The following DLGAP2 variants were observed in gnomAD, a reference collection of about 807,000 sequenced individuals.
DLGAP2 encodes the protein DLG associated protein 2.
In DLGAP2, 26 loss-of-function variants were observed where a neutral mutation model predicts 100.3. That is an observed-to-expected ratio of 0.26 (90% CI 0.19 to 0.36). DLGAP2 has a LOEUF of 0.36. Ranked by LOEUF, DLGAP2 falls within the 10% of genes least tolerant of loss-of-function variation. The probability of loss-of-function intolerance (pLI) is 1.00; values close to 1 mark genes in which losing one functional copy is unlikely to be tolerated. For missense variants in DLGAP2, 1,858 were observed against 1,453.2 expected (o/e 1.28, Z -4.53); for synonymous variants, 886 against 630.1 (o/e 1.41, Z -6.08).
chr8:904,175 A>G (rs2128998050), intron 1 of DLGAP2, among the ~76,000 whole-genome samples: 1 of 152,366 alleles, frequency 6.6e-6, no homozygotes, highest in Admixed American at 6.5e-5. Context: ...GTGTGTGGAC[A>G]GTGTGACCGG....
chr8:1,390,631 G>A (rs1796328459), intron 3 of DLGAP2, among the ~76,000 whole-genome samples: 1 of 152,078 alleles, frequency 6.6e-6, no homozygotes, highest in Non-Finnish European at 1.5e-5. Context: ...CCCTTTAACT[G>A]CAGTCCCGTC....
intron 4 of DLGAP2, among the ~76,000 whole-genome samples, chr8:1,515,424 AC>A (rs1214499689): frequency 6.8e-6 from 1 of 147,328 alleles, no homozygotes; most frequent in Non-Finnish European, 1.5e-5. Context: ...GCACACACAC[AC>A]GCAGACACAT....
chr8:805,760 C>G (rs555815123), intron 1 of DLGAP2, among the ~76,000 whole-genome samples: 9 of 152,264 alleles, frequency 5.9e-5, no homozygotes, highest in Non-Finnish European at 7.4e-5. Context: ...CCAAGCAGTC[C>G]GCCGGCCTTG....
At chr8:1,601,892 C>A (rs578144503) in intron 6 of DLGAP2, among the ~76,000 whole-genome samples, 96 of 151,744 alleles carry the variant, frequency 6.3e-4, no homozygotes, top group African/African-American at 2.2e-3. Flanking sequence ...TTTCACCAGG[C>A]AATCTGAGGT....
chr8:1,095,948 T>A (rs1804352514), intron 2 of DLGAP2, among the ~76,000 whole-genome samples: 1 of 152,214 alleles, frequency 6.6e-6, no homozygotes, highest in Non-Finnish European at 1.5e-5. Flanking sequence ...CAAAACTATC[T>A]AACAATTTTA....
chr8:1,364,961 G>A (rs996828080), intron 3 of DLGAP2, among the ~76,000 whole-genome samples: 1 of 152,196 alleles, frequency 6.6e-6, no homozygotes, highest in African/African-American at 2.4e-5. Context: ...TGGGCACAGG[G>A]CCCCACTCCC....
rs574366787 is a variant in DLGAP2 at position 946,505 on chromosome 8, T to C, written c.73+38539T>C. ...GTCTCGATCTCCTGACCTTGTGATCTGCCCGCCTTGGCCTCCCAAAGTGCT... is the reference window on the plus strand; with the variant it reads ...GTCTCGATCTCCTGACCTTGTGATCCGCCCGCCTTGGCCTCCCAAAGTGCT... On this transcript the variant is annotated intron_variant, in intron 2 of 14. Transcript: ENST00000637795. 1.3e-3 allele frequency among the ~76,000 whole-genome samples: 193 copies of C among 152,180 alleles called. 1 individual carries two copies. Among genetic ancestry groups the C allele is most frequent in the South Asian group, 3.3e-3 (16 of 4,812 alleles).
chr8:1,044,043 C>G (rs190128306), intron 2 of DLGAP2, among the ~76,000 whole-genome samples: 1 of 152,256 alleles, frequency 6.6e-6, no homozygotes, highest in African/African-American at 2.4e-5. Context: ...ACAGCAGTGA[C>G]TGCCCTGCCA....
intron 1 of DLGAP2, among the ~76,000 whole-genome samples, chr8:815,132 C>T (rs1198630406): frequency 6.6e-6 from 1 of 152,156 alleles, no homozygotes; most frequent in Admixed American, 6.5e-5. Context: ...CAACCAAATG[C>T]TTGAGACTGG....
chr8:1,117,269 C>T (rs763601357), intron 2 of DLGAP2, among the ~76,000 whole-genome samples: 19 of 152,228 alleles, frequency 1.2e-4, no homozygotes, highest in Non-Finnish European at 2.1e-4. Context: ...AGGCTGATGG[C>T]ACAACCCTGG....
At chr8:1,557,807 A>T (rs142390353) in intron 5 of DLGAP2, among the ~76,000 whole-genome samples, 137 of 152,272 alleles carry the variant, frequency 9.0e-4, no homozygotes, top group African/African-American at 2.6e-3. Flanking sequence ...TCTTAGGAGG[A>T]TACCAGGCAG....
intron 4 of DLGAP2, among the ~76,000 whole-genome samples, chr8:1,530,919 G>T (rs947668336): frequency 6.6e-6 from 1 of 152,172 alleles, no homozygotes; most frequent in East Asian, 1.9e-4. Flanking sequence ...GTGTGATCTG[G>T]TCTATCAGGA....
At chr8:976,926 A>C (rs1584940466) in intron 2 of DLGAP2, among the ~76,000 whole-genome samples, 1 of 152,242 alleles carries the variant, frequency 6.6e-6, no homozygotes, top group Admixed American at 6.5e-5. Context: ...TGAAAGAAAT[A>C]ATTGATAAGT....
chr8:871,766 T>A (rs1341781532), intron 1 of DLGAP2, among the ~76,000 whole-genome samples: 1 of 152,200 alleles, frequency 6.6e-6, no homozygotes, highest in Non-Finnish European at 1.5e-5. Flanking sequence ...ACACTCAGCC[T>A]GAGCTGGATT....
intron 3 of DLGAP2, among the ~76,000 whole-genome samples, chr8:1,448,778 C>T (rs1186964534): frequency 6.6e-6 from 1 of 152,188 alleles, no homozygotes; most frequent in Non-Finnish European, 1.5e-5. Context: ...GTTCCCCTCA[C>T]TGCGTGCAAA....
intron 3 of DLGAP2, among the ~76,000 whole-genome samples, chr8:1,382,101 G>T (rs1040041346): frequency 7.2e-5 from 11 of 152,172 alleles, no homozygotes; most frequent in Non-Finnish European, 1.3e-4. Flanking sequence ...AGACTTTACT[G>T]CTGATAGCCT....
At chr8:1,005,794 C>T (rs1431796180) in intron 2 of DLGAP2, among the ~76,000 whole-genome samples, 1 of 152,138 alleles carries the variant, frequency 6.6e-6, no homozygotes, top group Non-Finnish European at 1.5e-5. Flanking sequence ...CTCTCTTGTA[C>T]TTGTATTGAG....
chr8:1,248,845 CCTG>C (rs1798974085), intron 2 of DLGAP2: 1 of 152,256 alleles, frequency 6.6e-6, no homozygotes, highest in Non-Finnish European at 1.5e-5. Flanking sequence ...GGAGATGGGA[CCTG>C]CACACGGTCA....
chr8:1,315,519 T>C (rs878991208), intron 3 of DLGAP2, among the ~76,000 whole-genome samples: 3 of 145,230 alleles, frequency 2.1e-5, no homozygotes, highest in African/African-American at 5.2e-5. Flanking sequence ...GCAGCGTCTC[T>C]CCAACAGTGG....
Sources: gnomAD v4.1 joint callset for allele counts (sites outside exome capture counted in the v4.1 genomes callset) on GRCh38, gnomAD v4.1.1 for gene constraint, MANE v1.5 for transcripts, NCBI Gene and HGNC (gene_info 2026-07-23, HGNC 2026-07-21) for gene names.